PRIM2: variants seen among roughly 807,000 people sequenced by gnomAD.
The protein encoded by PRIM2 is DNA primase subunit 2.
Under a neutral mutation model 67.3 loss-of-function variants are expected in PRIM2, and 39 were observed. The observed-to-expected ratio is 0.58, with a 90% confidence interval of 0.45 to 0.76. The LOEUF is 0.76. PRIM2 is among the 30% of genes least tolerant of loss of function. PRIM2 has a pLI of 0.00. For synonymous variants in PRIM2, 143 were observed against 198.7 expected (o/e 0.72, Z 2.36); for missense variants, 398 against 598.7 (o/e 0.66, Z 3.50).
intron 10 of PRIM2, among the ~76,000 whole-genome samples, chr6:57,577,169 A>T (rs1224484682): frequency 6.6e-6 from 1 of 152,108 alleles, no homozygotes; most frequent in East Asian, 1.9e-4. Context: ...TTTAGAAGAG[A>T]TTACTTGTGT....
At chr6:57,464,689 T>C (rs1256269053) in intron 7 of PRIM2, among the ~76,000 whole-genome samples, 1 of 152,116 alleles carries the variant, frequency 6.6e-6, no homozygotes, top group Non-Finnish European at 1.5e-5. Context: ...TTGGAATAAA[T>C]TATGATAATA....
At chr6:57,426,819 T>C (rs1771647050) in intron 7 of PRIM2, among the ~76,000 whole-genome samples, 1 of 152,242 alleles carries the variant, frequency 6.6e-6, no homozygotes, top group Non-Finnish European at 1.5e-5. Context: ...GGTTTCTCCT[T>C]GGCTAAAGTA....
At chr6:57,224,333 G>A in the PRIM2 span, among the ~76,000 whole-genome samples, 12 of 152,268 alleles carry the variant, frequency 7.9e-5, no homozygotes, top group African/African-American at 2.9e-4. Context: ...ATTATGCCTA[G>A]TCGCAAAAGG....
chr6:57,297,585 C>A, the PRIM2 span, among the ~76,000 whole-genome samples: 3 of 152,164 alleles, frequency 2.0e-5, no homozygotes, highest in South Asian at 6.2e-4. Context: ...AATATGTCCC[C>A]TCAAGATAGT....
At chr6:57,438,150 T>C (rs1772075279) in intron 7 of PRIM2, among the ~76,000 whole-genome samples, 3 of 152,226 alleles carry the variant, frequency 2.0e-5, no homozygotes, top group South Asian at 2.1e-4. Flanking sequence ...CCATTAGATA[T>C]TTTTCTCAAA....
intron 7 of PRIM2, among the ~76,000 whole-genome samples, chr6:57,399,303 G>A (rs6459214): frequency 6.6e-6 from 1 of 151,868 alleles, no homozygotes. Context: ...TTGTTTTCTG[G>A]CCTTGCGATA....
At chr6:57,579,834 T>G (rs1776048290) in intron 10 of PRIM2, among the ~76,000 whole-genome samples, 1 of 152,008 alleles carries the variant, frequency 6.6e-6, no homozygotes, top group Non-Finnish European at 1.5e-5. Context: ...AAGGGGAATT[T>G]AAAAGAAACT....
chr6:57,400,141 A>G (rs144415731), intron 7 of PRIM2, among the ~76,000 whole-genome samples: 1 of 152,286 alleles, frequency 6.6e-6, no homozygotes, highest in Non-Finnish European at 1.5e-5. Context: ...TGATCCTGTC[A>G]TTGTGTTGTT....
rs1484487758 is a variant in PRIM2, at chr6:57,599,459, T to C, written c.1021-1634T>C. 1.5e-3 allele frequency among the ~76,000 whole-genome samples: 231 copies of C among 151,818 alleles called. 1 individual carries two copies. In the Middle Eastern group the frequency reaches 0.044, roughly 29 times the overall value. On this transcript the variant is annotated intron_variant, in intron 10 of 13. Transcript: ENST00000615550. Reference sequence around the variant, plus strand: ...TGACACTTCATTTTGTGGTCCAAAATCAGAAGTAATCTCTTCTTCCTACAT... The same window carrying C: ...TGACACTTCATTTTGTGGTCCAAAACCAGAAGTAATCTCTTCTTCCTACAT...
Position 57,380,012 on chromosome 6 carries a change from A to C in PRIM2, c.555+16A>C. 6.5e-7 allele frequency: 1 copy of C among 1,538,002 alleles called. No homozygotes were observed. The highest frequency in any genetic ancestry group is 8.8e-7 in the Non-Finnish European group (1 of 1,140,758). ...CATTTATAAGGTATGTAAACATGTA[A>C]AATACTTCCTAGGTTTTGTTAAATA... On this transcript the variant is annotated intron_variant, in intron 6 of 13. Transcript: ENST00000615550.
intron 8 of PRIM2, among the ~76,000 whole-genome samples, chr6:57,527,586 TGTTTCTCAA>T (rs1425787370): frequency 3.9e-5 from 6 of 152,222 alleles, no homozygotes; most frequent in Non-Finnish European, 7.3e-5. Context: ...CACACTGCTT[TGTTTCTCAA>T]GTGTAAACTG....
chr6:57,639,149 G>T (rs1233211579), intron 13 of PRIM2, among the ~76,000 whole-genome samples: 2 of 152,288 alleles, frequency 1.3e-5, no homozygotes, highest in Non-Finnish European at 2.9e-5. Flanking sequence ...GCTCCTGAAT[G>T]ACTACAGGGT....
At chr6:57,457,201 G>A (rs1192009799) in intron 7 of PRIM2, among the ~76,000 whole-genome samples, 23 of 152,218 alleles carry the variant, frequency 1.5e-4, no homozygotes, top group Admixed American at 1.4e-3. Flanking sequence ...TGCCCCTACT[G>A]GGAGGTGCCT....
At chr6:57,298,137 A>T in the PRIM2 span, among the ~76,000 whole-genome samples, 1 of 152,188 alleles carries the variant, frequency 6.6e-6, no homozygotes, top group Non-Finnish European at 1.5e-5. Flanking sequence ...CGAGGTGGGC[A>T]GATCAAGAGG....
intron 7 of PRIM2, among the ~76,000 whole-genome samples, chr6:57,437,719 G>A (rs1232206833): frequency 2.0e-5 from 3 of 146,670 alleles, no homozygotes; most frequent in Non-Finnish European, 3.0e-5. Flanking sequence ...AGGCTGGAGT[G>A]CAAAGGTGCG....
chr6:57,545,198 A>G (rs1775260331), intron 10 of PRIM2, among the ~76,000 whole-genome samples: 4 of 152,152 alleles, frequency 2.6e-5, no homozygotes, highest in Non-Finnish European at 4.4e-5. Flanking sequence ...AGAATATACA[A>G]ATATACAAAT....
chr6:57,292,199 A>G, the PRIM2 span, among the ~76,000 whole-genome samples: 3 of 152,188 alleles, frequency 2.0e-5, no homozygotes, highest in Admixed American at 6.5e-5. Context: ...CTATACACCA[A>G]TAACAGACAA....
At chr6:57,489,969 G>C (rs1773852650) in intron 7 of PRIM2, among the ~76,000 whole-genome samples, 1 of 144,800 alleles carries the variant, frequency 6.9e-6, no homozygotes, top group Non-Finnish European at 1.5e-5. Flanking sequence ...GGTTTGATGT[G>C]ACTTTCTCCA....
chr6:57,486,231 C>G (rs1282870073), intron 7 of PRIM2, among the ~76,000 whole-genome samples: 3 of 152,128 alleles, frequency 2.0e-5, no homozygotes, highest in Non-Finnish European at 4.4e-5. Context: ...AGAGTTGGGA[C>G]TGTATATGGA....
Sources: gnomAD v4.1 joint callset for allele counts (sites outside exome capture counted in the v4.1 genomes callset) on GRCh38, gnomAD v4.1.1 for gene constraint, MANE v1.5 for transcripts, NCBI Gene and HGNC (gene_info 2026-07-23, HGNC 2026-07-21) for gene names.